NIPBL: variants seen among roughly 807,000 people sequenced by gnomAD.
NIPBL encodes the protein nipped-B-like protein.
Under a neutral mutation model 321.8 loss-of-function variants are expected in NIPBL, and 19 were observed. The ratio of observed to expected loss-of-function variants is 0.06; its 90% CI spans 0.04 to 0.09. The LOEUF (loss-of-function observed/expected upper bound fraction) is 0.09. Ranked by LOEUF, NIPBL falls within the 10% of genes least tolerant of loss-of-function variation. The pLI is 1.00. For synonymous variants in NIPBL, 1,106 were observed against 1,114.1 expected, an observed-to-expected ratio of 0.99 and a Z score of 0.14; for missense variants, 2,210 against 3,327.0, an observed-to-expected ratio of 0.66 and a Z score of 8.26.
At chr5:36,988,342 A>T (rs541749376) in intron 10 of NIPBL, among the ~76,000 whole-genome samples, 1 of 152,254 alleles carries the variant, frequency 6.6e-6, no homozygotes, top group East Asian at 1.9e-4. Flanking sequence ...GTGTATGTGT[A>T]CATGTGCATG....
intron 3 of NIPBL, 94 bp from the exon 4 acceptor site, chr5:36,958,010 G>C: frequency 9.1e-7 from 1 of 1,102,692 alleles, no homozygotes; most frequent in East Asian, 2.6e-5. Flanking sequence ...AATTCATATT[G>C]TTGGCCATAC....
chr5:36,896,020 C>G (rs1746705049), intron 1 of NIPBL, among the ~76,000 whole-genome samples: 2 of 152,118 alleles, frequency 1.3e-5, no homozygotes, highest in African/African-American at 4.8e-5. Context: ...AAACTATTGC[C>G]TAATCCAAGG....
chr5:37,062,791 G>A (rs965091746), intron 45 of NIPBL, among the ~76,000 whole-genome samples: 1 of 152,094 alleles, frequency 6.6e-6, no homozygotes, highest in Non-Finnish European at 1.5e-5. Flanking sequence ...ATGGCGGTGT[G>A]CACCTGTAGT....
intron 1 of NIPBL, among the ~76,000 whole-genome samples, chr5:36,918,185 C>T (rs555724041): frequency 6.6e-6 from 1 of 152,194 alleles, no homozygotes; most frequent in East Asian, 1.9e-4. Context: ...TTGTTTGTAT[C>T]CTCTTTTATT....
At chr5:37,037,927 G>A (rs934332384) in intron 33 of NIPBL, among the ~76,000 whole-genome samples, 9 of 147,286 alleles carry the variant, frequency 6.1e-5, no homozygotes, top group Non-Finnish European at 1.2e-4. Context: ...TTTTGTACCA[G>A]TACCCTTAAA....
intron 1 of NIPBL, among the ~76,000 whole-genome samples, chr5:36,931,500 T>C (rs1749773395): frequency 6.6e-6 from 1 of 152,046 alleles, no homozygotes; most frequent in Non-Finnish European, 1.5e-5. Flanking sequence ...GTATTTTCTA[T>C]AGAGACGAGG....
chr5:37,052,592 A>G, intron 42 of NIPBL, 26 bp downstream of exon 42: 1 of 1,575,726 alleles, frequency 6.3e-7, no homozygotes, highest in Non-Finnish European at 8.7e-7. Flanking sequence ...TATTATTTTA[A>G]GAAAATAAGT....
chr5:36,912,799 G>A (rs1289112858), intron 1 of NIPBL, among the ~76,000 whole-genome samples: 1 of 151,926 alleles, frequency 6.6e-6, no homozygotes, highest in Non-Finnish European at 1.5e-5. Context: ...CGCGCCCGGT[G>A]TGTTGTTGAT....
chr5:37,004,399 CT>C lies in NIPBL; in HGVS notation c.3855+1064del, dbSNP rs1209687707. 9.8e-4 allele frequency among the ~76,000 whole-genome samples: 142 copies of C among 145,106 alleles called. No homozygotes were observed. The Middle Eastern group carries it at 0.011, about 11-fold the overall frequency. On this transcript the variant is annotated intron_variant, in intron 16 of 46. Coordinates refer to ENST00000282516, the MANE Select transcript of NIPBL (RefSeq NM_133433.4). Reference sequence around the variant, plus strand: ...GAGTTGATAAATTTTCTTTCTCTCCCTTTTTTTTTTTTCTCCCCTGATAGAG... The same window carrying C: ...GAGTTGATAAATTTTCTTTCTCTCCCTTTTTTTTTTTCTCCCCTGATAGAG...
chr5:36,878,101 G>T (rs1481369633), intron 1 of NIPBL, among the ~76,000 whole-genome samples: 1 of 152,210 alleles, frequency 6.6e-6, no homozygotes. Flanking sequence ...TGAGAATTGT[G>T]CTGAGATACG....
intron 1 of NIPBL, among the ~76,000 whole-genome samples, chr5:36,921,538 A>G (rs1411577080): frequency 7.9e-5 from 12 of 152,126 alleles, no homozygotes; most frequent in Admixed American, 2.0e-4. Context: ...ATCAAAAGTG[A>G]TGATTTAGGA....
chr5:37,031,939 G>T (rs540336147), intron 32 of NIPBL, among the ~76,000 whole-genome samples: 2 of 152,312 alleles, frequency 1.3e-5, no homozygotes, highest in East Asian at 3.9e-4. Flanking sequence ...TGGCTGCAGG[G>T]AGCTGGGGAT....
At position 36,976,466 on chromosome 5, in the gene NIPBL, T is replaced by A. The variant is rs1036676071; in HGVS notation, c.1495+64T>A. 197 of 1,551,038 alleles carry A rather than the reference T, an allele frequency of 1.3e-4. 1 individual carries two copies. The highest frequency in any genetic ancestry group is 2.4e-4 in the South Asian group (21 of 86,724). On this transcript the variant is annotated intron_variant, in intron 9 of 46. Coordinates refer to ENST00000282516, the MANE Select transcript of NIPBL (RefSeq NM_133433.4). ...AAATATGTAATTATAGTGTCAAAAA[T>A]TTTTTTCACATTACTTTTTTCCCGA...
At chr5:36,960,684 A>G (rs150537) in intron 4 of NIPBL, among the ~76,000 whole-genome samples, 6,394 of 152,194 alleles carry the variant, frequency 0.042, 463 homozygotes, top group African/African-American at 0.15. Flanking sequence ...TGCAGCTGCC[A>G]AAAAAGAGAT....
chr5:36,912,746 C>T (rs984394829), intron 1 of NIPBL, among the ~76,000 whole-genome samples: 1 of 152,010 alleles, frequency 6.6e-6, no homozygotes, highest in African/African-American at 2.4e-5. Context: ...GTGATCCACC[C>T]GCCTCGGCCT....
At chr5:37,042,587 T>C (rs570082507) in intron 34 of NIPBL, among the ~76,000 whole-genome samples, 16 of 150,624 alleles carry the variant, frequency 1.1e-4, no homozygotes, top group Admixed American at 5.9e-4. Flanking sequence ...GTGTGGAGTT[T>C]AAGACCAGCC....
chr5:36,889,894 T>G (rs908882834), intron 1 of NIPBL, among the ~76,000 whole-genome samples: 2 of 152,024 alleles, frequency 1.3e-5, no homozygotes, highest in Admixed American at 6.5e-5. Context: ...CTTAATTTTT[T>G]TTCAATTGTA....
At chr5:37,013,173 AC>A (rs1411834061) in intron 21 of NIPBL, among the ~76,000 whole-genome samples, 13 of 113,884 alleles carry the variant, frequency 1.1e-4, no homozygotes, top group African/African-American at 4.2e-4. Context: ...CGGGGGGCTG[AC>A]CCCCCCACCT....
intron 20 of NIPBL, 29 bp from the exon 21 acceptor site, chr5:37,010,058 T>G (rs1169327900): frequency 1.3e-6 from 2 of 1,541,254 alleles, no homozygotes; most frequent in African/African-American, 2.7e-5. Context: ...ATCTTGATAC[T>G]CCATACAAAT....
Sources: gnomAD v4.1 joint callset for allele counts (sites outside exome capture counted in the v4.1 genomes callset) on GRCh38, gnomAD v4.1.1 for gene constraint, MANE v1.5 for transcripts, NCBI Gene and HGNC (gene_info 2026-07-23, HGNC 2026-07-21) for gene names.